Variants in YTHDC1 observed in about 807,000 individuals in gnomAD.
YTHDC1 encodes the protein YTH N6-methyladenosine RNA binding protein C1.
In YTHDC1, 12 loss-of-function variants were observed where a neutral mutation model predicts 107.0. The ratio of observed to expected loss-of-function variants is 0.11; its 90% CI spans 0.07 to 0.18. The LOEUF (loss-of-function observed/expected upper bound fraction) is 0.18, where lower values mean the gene tolerates loss of function less well. Among genes scored for constraint, YTHDC1 ranks in the 10% least tolerant of loss-of-function variants. YTHDC1 has a pLI of 1.00. For synonymous variants in YTHDC1, 280 were observed against 289.5 expected (o/e 0.97, Z 0.33); for missense variants, 635 against 898.8 (o/e 0.71, Z 3.75).
intron 1 of YTHDC1, among the ~76,000 whole-genome samples, chr4:68,343,015 T>C (rs1354079890): frequency 2.6e-5 from 4 of 152,126 alleles, no homozygotes; most frequent in African/African-American, 7.2e-5. Flanking sequence ...AGTTTGACAG[T>C]AGTATCCCAA....
intron 10 of YTHDC1, among the ~76,000 whole-genome samples, chr4:68,323,926 A>C (rs1244366837): frequency 6.6e-6 from 1 of 152,240 alleles, no homozygotes; most frequent in Non-Finnish European, 1.5e-5. Context: ...AATTGTATCA[A>C]ATGAAAGTAC....
At position 68,311,945 on chromosome 4, in the gene YTHDC1, G is replaced by C. The variant is rs184975695; in HGVS notation, c.*2154C>G. The C allele has an allele frequency of 3.9e-5, 6 of 152,258 alleles. No individual in the cohort carries two copies. The highest frequency in any genetic ancestry group is 6.5e-5 in the Admixed American group (1 of 15,282). 9.4% of individuals were successfully genotyped at this position (152,258 alleles called of 1,614,324 possible). ...GGTGAGGTCACTTGAGGTCGAGTTT[G>C]AGACCAGCCTGGCCAACATGTTGGA... is the stretch of plus-strand genomic sequence containing the variant. On this transcript the variant is annotated 3_prime_UTR_variant, in exon 17 of 17. Coordinates refer to ENST00000344157, the MANE Select transcript of YTHDC1 (RefSeq NM_001031732.4).
At position 68,330,058 on chromosome 4, in the gene YTHDC1, T is replaced by C. The variant is rs757150905; in HGVS notation, c.1293A>G (p.Pro431=). The C allele has an allele frequency of 6.2e-6, 10 of 1,613,740 alleles. No individual in the cohort carries two copies. The highest frequency in any genetic ancestry group is 8.5e-6 in the Non-Finnish European group (10 of 1,179,808). Reference sequence around the variant, plus strand: ...CCAGCATTTTAGCACTCATTCCTGCTGGAAGCACCCAGTGTATAGGAGATC... The same window carrying C: ...CCAGCATTTTAGCACTCATTCCTGCCGGAAGCACCCAGTGTATAGGAGATC... ...HGGSPIHWVL[P]AGMSAKMLGG... is the part of the protein sequence containing the mutation. Residue 431 remains proline (P), a synonymous_variant, in exon 9 of 17, where the codon CCA becomes CCG. Transcript: ENST00000344157.
rs1181972829 is a variant in YTHDC1, at chr4:68,332,201, A to G, written c.1028-4T>C. 1 of 1,534,352 alleles carries G rather than the reference A, an allele frequency of 6.5e-7. No homozygotes were observed. The highest frequency in any genetic ancestry group is 8.8e-7 in the Non-Finnish European group (1 of 1,131,964). ...TATTTGAGTTTACTGGTTTGATCTG[A>G]AAAAAAAAGAAACCCAAATCGATTA... On this transcript the variant is annotated splice_polypyrimidine_tract_variant and splice_region_variant and intron_variant, in intron 6 of 16. Coordinates refer to ENST00000344157, the MANE Select transcript of YTHDC1 (RefSeq NM_001031732.4).
chr4:68,328,060 A>G (rs1401483738), intron 9 of YTHDC1, among the ~76,000 whole-genome samples: 3 of 152,200 alleles, frequency 2.0e-5, no homozygotes, highest in Non-Finnish European at 4.4e-5. Context: ...ATTTCAAACA[A>G]ATTAGTAGAA....
intron 11 of YTHDC1, 79 bp from the exon 12 acceptor site, chr4:68,320,284 G>T: frequency 9.7e-7 from 1 of 1,032,536 alleles, no homozygotes. Flanking sequence ...TTCTGACAGA[G>T]ATAAGTACAA....
At chr4:68,326,079 A>C (rs1477540890) in intron 9 of YTHDC1, among the ~76,000 whole-genome samples, 1 of 152,174 alleles carries the variant, frequency 6.6e-6, no homozygotes, top group Non-Finnish European at 1.5e-5. Context: ...TAAAACAGTT[A>C]TAGGAAAGGC....
rs772784669 is a variant in YTHDC1 at position 68,318,727 on chromosome 4, C to T, written c.1724G>A (p.Arg575Gln). 5 of 1,614,042 alleles carry T rather than the reference C, an allele frequency of 3.1e-6. No individual in the cohort carries two copies. The highest frequency in any genetic ancestry group is 3.4e-6 in the Non-Finnish European group (4 of 1,179,984). ...KDPRYQEVDR[R>Q]FSGVRRDVFL... ...CACATCTCGGCGAACTCCTGAAAAT[C>T]GTCTGTTGGGAATAAGATTTGTGAA... Residue 575 changes from arginine (R) to glutamine (Q), a missense_variant and splice_region_variant, in exon 14 of 17, where the codon CGA (arginine) becomes CAA (glutamine). This residue lies in a region of YTHDC1 where 256 missense variants were observed against 372.9 expected (regional missense o/e 0.69). Transcript: ENST00000344157.
At chr4:68,323,299 A>G (rs146767423) in intron 10 of YTHDC1, among the ~76,000 whole-genome samples, 45 of 152,348 alleles carry the variant, frequency 3.0e-4, no homozygotes, top group African/African-American at 9.9e-4. Flanking sequence ...ATTATGATCT[A>G]CTAAGTGTAT....
chr4:68,310,450 TAA>T lies in YTHDC1; in HGVS notation c.*3647_*3648del, dbSNP rs1272896578. 2.6e-5 allele frequency: 4 copies of T among 152,164 alleles called. No individual in the cohort carries two copies. Among genetic ancestry groups the T allele is most frequent in the African/African-American group, 9.7e-5 (4 of 41,410 alleles). 9.4% of individuals were successfully genotyped at this position (152,164 alleles called of 1,614,324 possible). ...AAGACAATAGTCAATAATCTATATT[TAA>T]GACACAGAAGAAACTGAAAGTGTAA... is the stretch of plus-strand genomic sequence containing the variant. On this transcript the variant is annotated 3_prime_UTR_variant, in exon 17 of 17. Coordinates refer to ENST00000344157, the MANE Select transcript of YTHDC1 (RefSeq NM_001031732.4).
At chr4:68,348,492 A>G (rs1175113682) in intron 1 of YTHDC1, among the ~76,000 whole-genome samples, 1 of 143,482 alleles carries the variant, frequency 7.0e-6, no homozygotes, top group African/African-American at 2.6e-5. Context: ...AAAAAAAAAA[A>G]GGCCCAGGGA....
chr4:68,322,912 T>C lies in YTHDC1; in HGVS notation c.1438A>G (p.Ile480Val). The stretch of plus-strand genomic sequence containing the variant: ...AGCTGGGTTCCACATTCAAGTTCAA[T>C]TTCCTAGAATAGGAAAGTAGCAATT... ...PVKIGRDGQEIELECGTQLCL... is the reference protein window; with the variant it reads ...PVKIGRDGQEVELECGTQLCL... Residue 480 changes from isoleucine (I) to valine (V), a missense_variant, in exon 11 of 17, where the codon ATT (isoleucine) becomes GTT (valine). This residue lies in a region of YTHDC1 where 256 missense variants were observed against 372.9 expected (regional missense o/e 0.69). Coordinates refer to ENST00000344157, the MANE Select transcript of YTHDC1 (RefSeq NM_001031732.4). This position sits in a 1 kb window ranked among gnomAD's most constrained non-coding sequence, Gnocchi z 4.8. 3 of 1,612,868 alleles carry C rather than the reference T, an allele frequency of 1.9e-6. No individual in the cohort carries two copies. The highest frequency in any genetic ancestry group is 2.5e-6 in the Non-Finnish European group (3 of 1,178,972).
chr4:68,324,100 T>G, intron 10 of YTHDC1, 39 bp downstream of exon 10: 1 of 1,557,740 alleles, frequency 6.4e-7, no homozygotes, highest in East Asian at 2.2e-5. Context: ...AAGGGTTGAT[T>G]AAATGTGTTT....
chr4:68,320,153 C>T lies in YTHDC1; in HGVS notation c.1654G>A (p.Asp552Asn). Residue 552 changes from aspartate to asparagine, a missense_variant, in exon 12 of 17, where the codon GAC becomes AAC. This residue lies in a region of YTHDC1 where 256 missense variants were observed against 372.9 expected (regional missense o/e 0.69). Coordinates refer to ENST00000344157, the MANE Select transcript of YTHDC1 (RefSeq NM_001031732.4). ...CTCTGGTGAAACTCAGGGGGATAGT[C>T]AATCCTTGGTTTCTTTCTGCTGTTA... is the stretch of plus-strand genomic sequence containing the variant. ...IHNSRKKPRI[D>N]YPPEFHQRPG... 1 of 1,610,150 alleles carries T rather than the reference C, an allele frequency of 6.2e-7. No homozygotes were observed. The highest frequency in any genetic ancestry group is 8.5e-7 in the Non-Finnish European group (1 of 1,178,862).
At chr4:68,329,022 G>A (rs1015642612) in intron 9 of YTHDC1, among the ~76,000 whole-genome samples, 2 of 152,130 alleles carry the variant, frequency 1.3e-5, no homozygotes, top group African/African-American at 4.8e-5. Flanking sequence ...CTTTGTTGAT[G>A]GGTATGTCAC....
chr4:68,313,599 G>A lies in YTHDC1; in HGVS notation c.*500C>T. On this transcript the variant is annotated 3_prime_UTR_variant, in exon 17 of 17. Coordinates refer to ENST00000344157, the MANE Select transcript of YTHDC1 (RefSeq NM_001031732.4). ...CTTTATAAGTTTTTTAAAAAAAGAG[G>A]CAATGGGGAAAAAAACAAGAGGCTG... 1 of 153,146 alleles carries A rather than the reference G, an allele frequency of 6.5e-6. No individual in the cohort carries two copies. Among genetic ancestry groups the A allele is most frequent in the Non-Finnish European group, 1.5e-5 (1 of 68,562 alleles). The allele number at this position is 153,146 out of a possible 1,614,324, so 9.5% of individuals were successfully genotyped here.
At chr4:68,331,626 G>C (rs1269927432) in intron 7 of YTHDC1, among the ~76,000 whole-genome samples, 2 of 151,924 alleles carry the variant, frequency 1.3e-5, no homozygotes, top group African/African-American at 4.8e-5. Context: ...AGTCTGGAGT[G>C]GATCTTTAAG....
At chr4:68,317,114 C>G (rs1303954677) in intron 15 of YTHDC1, among the ~76,000 whole-genome samples, 1 of 152,116 alleles carries the variant, frequency 6.6e-6, no homozygotes, top group Non-Finnish European at 1.5e-5. Context: ...GTCCCACCTA[C>G]TCAGGAAGCT....
chr4:68,338,350 A>T lies in YTHDC1; in HGVS notation c.63T>A (p.Thr21=), dbSNP rs1310711547. The T allele has an allele frequency of 6.2e-7, 1 of 1,605,266 alleles. No homozygotes were observed. Among genetic ancestry groups the T allele is most frequent in the Admixed American group, 1.7e-5 (1 of 57,594 alleles). ...GELNVLDDIL[T]EVPEQDDELY... ...GTTCATCATCTTGTTCTGGTACTTC[A>T]GTTAAAATATCATCCAGAACATTAA... Residue 21 remains threonine, a synonymous_variant, in exon 2 of 17, where the codon ACT becomes ACA. Coordinates refer to ENST00000344157, the MANE Select transcript of YTHDC1 (RefSeq NM_001031732.4).
Sources: gnomAD v4.1 joint callset for allele counts (sites outside exome capture counted in the v4.1 genomes callset) on GRCh38, gnomAD v4.1.1 for gene constraint, gnomAD v4.1.1 regional missense constraint, Gnocchi (gnomAD v3.1) non-coding constraint, MANE v1.5 for transcripts, NCBI Gene and HGNC (gene_info 2026-07-23, HGNC 2026-07-21) for gene names.